L3MBTL4: variants seen among roughly 807,000 people sequenced by gnomAD.
L3MBTL4 encodes L3MBTL histone methyl-lysine binding protein 4.
A neutral mutation model predicts 84.5 loss-of-function variants in L3MBTL4; 70 were observed. The observed-to-expected ratio is 0.83, with a 90% CI of 0.68 to 1.01. The LOEUF (loss-of-function observed/expected upper bound fraction) is 1.01. Among genes scored for constraint, L3MBTL4 ranks in the 50% least tolerant of loss-of-function variants. The pLI, the probability that L3MBTL4 is intolerant of heterozygous loss-of-function variation, is 0.00. For synonymous variants in L3MBTL4, 274 were observed against 259.8 expected (o/e 1.05, Z -0.52); for missense variants, 715 against 754.8 (o/e 0.95, Z 0.62).
At chr18:6,389,735 G>C (rs1289086178) in intron 1 of L3MBTL4, among the ~76,000 whole-genome samples, 1 of 152,066 alleles carries the variant, frequency 6.6e-6, no homozygotes, top group East Asian at 1.9e-4. Flanking sequence ...AAACGGACTA[G>C]TCCAACAGGA....
intron 1 of L3MBTL4, among the ~76,000 whole-genome samples, chr18:6,319,868 G>T (rs888726739): frequency 2.0e-5 from 3 of 152,026 alleles, no homozygotes; most frequent in Non-Finnish European, 4.4e-5. Flanking sequence ...CAATATCCCT[G>T]ATGAACATAG....
intron 12 of L3MBTL4, among the ~76,000 whole-genome samples, chr18:6,193,112 T>C (rs771475593): frequency 7.2e-5 from 11 of 151,760 alleles, no homozygotes; most frequent in Admixed American, 2.6e-4. Context: ...ACATTATTGT[T>C]AATGGCCCAC....
At chr18:6,298,630 T>C (rs2050203442) in intron 4 of L3MBTL4, among the ~76,000 whole-genome samples, 1 of 152,184 alleles carries the variant, frequency 6.6e-6, no homozygotes, top group South Asian at 2.1e-4. Flanking sequence ...CCCAGCACTT[T>C]GGGAGGCCAA....
intron 10 of L3MBTL4, among the ~76,000 whole-genome samples, chr18:6,217,639 T>G (rs899542340): frequency 1.3e-5 from 2 of 152,228 alleles, no homozygotes; most frequent in Admixed American, 1.3e-4. Flanking sequence ...TTGGAATGCA[T>G]CCAGGAGTAA....
chr18:6,353,855 C>T (rs1344508666), intron 1 of L3MBTL4, among the ~76,000 whole-genome samples: 4 of 151,998 alleles, frequency 2.6e-5, no homozygotes, highest in Non-Finnish European at 4.4e-5. Flanking sequence ...GTCCATACTA[C>T]CCAAAGCAAT....
At chr18:6,324,730 G>A (rs2051623787) in intron 1 of L3MBTL4, among the ~76,000 whole-genome samples, 3 of 148,592 alleles carry the variant, frequency 2.0e-5, no homozygotes, top group Non-Finnish European at 4.4e-5. Flanking sequence ...ATAAAACCAT[G>A]CAGTCAAGCC....
chr18:6,349,978 T>G (rs972137262), intron 1 of L3MBTL4, among the ~76,000 whole-genome samples: 2 of 152,222 alleles, frequency 1.3e-5, no homozygotes, highest in African/African-American at 2.4e-5. Flanking sequence ...TACATACATT[T>G]GTGTATGTCA....
chr18:6,108,707 C>T (rs1270198719), intron 14 of L3MBTL4, among the ~76,000 whole-genome samples: 1 of 152,144 alleles, frequency 6.6e-6, no homozygotes, highest in Non-Finnish European at 1.5e-5. Context: ...CTTCTGAGGG[C>T]CCCCTCTTTT....
At chr18:6,412,093 G>A (rs2055990895) in intron 1 of L3MBTL4, among the ~76,000 whole-genome samples, 1 of 152,034 alleles carries the variant, frequency 6.6e-6, no homozygotes. Flanking sequence ...CATCACCCAG[G>A]TATTAAGCCT....
At chr18:6,135,343 G>A (rs1275370305) in intron 14 of L3MBTL4, among the ~76,000 whole-genome samples, 1 of 152,140 alleles carries the variant, frequency 6.6e-6, no homozygotes, top group African/African-American at 2.4e-5. Flanking sequence ...TTATCATTAG[G>A]CTCCTTGCTA....
intron 12 of L3MBTL4, among the ~76,000 whole-genome samples, chr18:6,209,743 T>C (rs187327816): frequency 7.9e-5 from 12 of 152,232 alleles, no homozygotes; most frequent in Non-Finnish European, 5.9e-5. Context: ...ACAACCCAAA[T>C]GTCCATCAAC....
intron 16 of L3MBTL4, among the ~76,000 whole-genome samples, chr18:6,015,473 G>A (rs1482795862): frequency 6.6e-6 from 1 of 152,068 alleles, no homozygotes; most frequent in Non-Finnish European, 1.5e-5. Flanking sequence ...GGAGTTTTAG[G>A]TCCCAGGAGC....
chr18:6,100,430 A>T (rs1229249418), intron 14 of L3MBTL4, among the ~76,000 whole-genome samples: 1 of 152,104 alleles, frequency 6.6e-6, no homozygotes, highest in Non-Finnish European at 1.5e-5. Flanking sequence ...TGCTTGTTGA[A>T]TCATCTTTAT....
chr18:6,051,442 G>A (rs2056835001), intron 16 of L3MBTL4, among the ~76,000 whole-genome samples: 1 of 152,162 alleles, frequency 6.6e-6, no homozygotes, highest in African/African-American at 2.4e-5. Flanking sequence ...AGGAGGCTGA[G>A]GCAGGAGAAT....
chr18:6,002,067 AC>A (rs2054240217), intron 16 of L3MBTL4, among the ~76,000 whole-genome samples: 1 of 152,236 alleles, frequency 6.6e-6, no homozygotes, highest in South Asian at 2.1e-4. Context: ...ACTCATCATT[AC>A]AGGAATCTTC....
intron 14 of L3MBTL4, among the ~76,000 whole-genome samples, chr18:6,126,986 C>G (rs1193334831): frequency 6.6e-6 from 1 of 152,142 alleles, no homozygotes; most frequent in Non-Finnish European, 1.5e-5. Context: ...AATGTAAGCA[C>G]GTGTCACTGA....
intron 17 of L3MBTL4, among the ~76,000 whole-genome samples, chr18:5,964,160 T>C (rs572988827): frequency 2.0e-5 from 3 of 152,386 alleles, no homozygotes; most frequent in South Asian, 4.1e-4. Context: ...CGCAGTGTCC[T>C]ACAGCTAAAA....
At chr18:6,172,382 A>T (rs1400536234) in intron 12 of L3MBTL4, among the ~76,000 whole-genome samples, 2 of 152,224 alleles carry the variant, frequency 1.3e-5, no homozygotes, top group Non-Finnish European at 2.9e-5. Flanking sequence ...AGATTAGAGT[A>T]TAAAGAAACA....
At chr18:6,376,479 C>T (rs117664288) in intron 1 of L3MBTL4, among the ~76,000 whole-genome samples, 1 of 152,312 alleles carries the variant, frequency 6.6e-6, no homozygotes, top group East Asian at 1.9e-4. Context: ...TGGCTCATGC[C>T]TATAATCCCA....
Sources: allele counts gnomAD v4.1 joint callset (sites outside exome capture counted in the v4.1 genomes callset), GRCh38; gene constraint gnomAD v4.1.1; transcripts MANE v1.5; gene names NCBI Gene and HGNC (gene_info 2026-07-23, HGNC 2026-07-21).